The following COP1 variants were observed in gnomAD, a reference collection of about 807,000 sequenced individuals.
COP1 encodes the protein E3 ubiquitin-protein ligase COP1.
COP1 carries 24 observed loss-of-function variants against 101.3 expected under a neutral mutation model. The observed-to-expected ratio is 0.24, with a 90% confidence interval of 0.17 to 0.33. The LOEUF is 0.33. COP1 is among the 10% of genes least tolerant of loss of function. The probability of loss-of-function intolerance (pLI) is 1.00; values close to 1 mark genes in which losing one functional copy is unlikely to be tolerated. For synonymous variants in COP1, 347 were observed against 341.9 expected (o/e 1.01, Z -0.17); for missense variants, 663 against 906.2 (o/e 0.73, Z 3.45).
chr1:176,149,142 T>C (rs538434017), intron 5 of COP1, 68 bp from the exon 6 acceptor site: 73 of 945,174 alleles, frequency 7.7e-5, no homozygotes, highest in Middle Eastern at 3.3e-4. Flanking sequence ...TTTAACACCA[T>C]AGCATAAACA....
At chr1:176,197,198 CACA>C (rs553851695) in intron 1 of COP1, among the ~76,000 whole-genome samples, 53 of 152,198 alleles carry the variant, frequency 3.5e-4, no homozygotes, top group Admixed American at 1.2e-3. Context: ...AAAGCTATGA[CACA>C]ACAACAAGTG....
Position 176,083,703 on chromosome 1 carries a change from A to AGTT in COP1, c.1141+2072_1141+2073insAAC, listed in dbSNP as rs1679607475. Among the ~76,000 whole-genome samples, 4 of 152,270 alleles carry AGTT rather than the reference A, an allele frequency of 2.6e-5. No homozygotes were observed. The South Asian group carries it at 8.3e-4, about 32-fold the overall frequency. The stretch of plus-strand genomic sequence containing the variant: ...CTTTCATTTTAATAGTTGGAAATAA[A>AGTT]AGAGAATACAGATGGATTTACAGAT... On this transcript the variant is annotated intron_variant, in intron 10 of 19. Coordinates refer to ENST00000367669, the MANE Select transcript of COP1 (RefSeq NM_022457.7).
At chr1:176,206,531 T>G in intron 1 of COP1, 41 bp downstream of exon 1, 2 of 1,549,278 alleles carry the variant, frequency 1.3e-6, no homozygotes, top group South Asian at 2.3e-5. Context: ...CGGCAGAAAC[T>G]CATAATTTAG....
At chr1:176,109,467 C>T (rs1472273900) in intron 9 of COP1, among the ~76,000 whole-genome samples, 2 of 152,006 alleles carry the variant, frequency 1.3e-5, no homozygotes, top group Non-Finnish European at 2.9e-5. Context: ...TTTTATTCTG[C>T]TTCTTTTGTT....
intron 15 of COP1, among the ~76,000 whole-genome samples, chr1:176,025,694 A>C (rs1052570200): frequency 7.2e-5 from 11 of 152,094 alleles, no homozygotes; most frequent in African/African-American, 2.7e-4. Context: ...GTTTGAGAAC[A>C]GCCTGAGCAA....
intron 15 of COP1, among the ~76,000 whole-genome samples, chr1:176,001,707 T>G (rs1319313368): frequency 6.6e-6 from 1 of 152,160 alleles, no homozygotes; most frequent in Non-Finnish European, 1.5e-5. Flanking sequence ...TTTACTACTT[T>G]GTGGACTTAC....
intron 19 of COP1, among the ~76,000 whole-genome samples, chr1:175,946,142 TC>T (rs2148471783): frequency 6.6e-6 from 1 of 152,220 alleles, no homozygotes; most frequent in African/African-American, 2.4e-5. Context: ...AATCAGATAT[TC>T]CAAGACCTTC....
intron 11 of COP1, among the ~76,000 whole-genome samples, chr1:176,080,303 A>G (rs1678881459): frequency 6.6e-6 from 1 of 152,174 alleles, no homozygotes; most frequent in South Asian, 2.1e-4. Context: ...GTGTAGCACA[A>G]AATAACTATA....
intron 17 of COP1, 95 bp from the exon 18 acceptor site, chr1:175,987,198 C>T: frequency 1.6e-6 from 1 of 634,416 alleles, no homozygotes; most frequent in South Asian, 3.2e-5. Flanking sequence ...AGTTATAGTT[C>T]AAAGATCTTT....
chr1:176,046,635 C>T (rs112596804), intron 11 of COP1, among the ~76,000 whole-genome samples: 23 of 152,044 alleles, frequency 1.5e-4, no homozygotes, highest in Non-Finnish European at 3.2e-4. Context: ...GATTTAATGG[C>T]GTGAATCATT....
chr1:176,073,299 TTTC>T (rs1677347840), intron 11 of COP1, among the ~76,000 whole-genome samples: 1 of 152,180 alleles, frequency 6.6e-6, no homozygotes, highest in African/African-American at 2.4e-5. Flanking sequence ...AGATAACTAT[TTTC>T]TTCTTAGGAA....
chr1:175,959,230 AC>A (rs1334114885), intron 18 of COP1, among the ~76,000 whole-genome samples: 1 of 152,052 alleles, frequency 6.6e-6, no homozygotes, highest in African/African-American at 2.4e-5. Context: ...TTAAATAGGT[AC>A]AAAAAAGCAG....
At chr1:175,963,515 C>A (rs986569978) in intron 18 of COP1, among the ~76,000 whole-genome samples, 1 of 152,072 alleles carries the variant, frequency 6.6e-6, no homozygotes, top group Non-Finnish European at 1.5e-5. Context: ...TAATCTTGGG[C>A]AAATCTGAGC....
Position 176,062,920 on chromosome 1 carries a change from A to G in COP1, c.1278-16596T>C, listed in dbSNP as rs150539836. Among the ~76,000 whole-genome samples the G allele has an allele frequency of 2.8e-3, 432 of 152,336 alleles. 1 individual carries two copies. The highest frequency in any genetic ancestry group is 1.0e-2 in the African/African-American group (414 of 41,578). ...GAACATATACTGTATGGTTCCACTT[A>G]TAAGAAATTTTTAAATGGTTGAATT... On this transcript the variant is annotated intron_variant, in intron 11 of 19. Coordinates refer to ENST00000367669, the MANE Select transcript of COP1 (RefSeq NM_022457.7).
intron 10 of COP1, among the ~76,000 whole-genome samples, chr1:176,085,041 G>C (rs1488649899): frequency 1.3e-5 from 2 of 152,186 alleles, no homozygotes; most frequent in South Asian, 2.1e-4. Context: ...GAAGAACAGA[G>C]TTAAGAAAAA....
intron 1 of COP1, 121 bp downstream of exon 1, chr1:176,206,451 C>A (rs1700861186): frequency 9.3e-6 from 11 of 1,183,478 alleles, no homozygotes; most frequent in Non-Finnish European, 1.3e-5. Context: ...GCAGACACCA[C>A]CACAGCACCA....
intron 11 of COP1, among the ~76,000 whole-genome samples, chr1:176,070,772 C>G (rs557639375): frequency 2.0e-5 from 3 of 152,306 alleles, no homozygotes; most frequent in South Asian, 4.1e-4. Context: ...CCACCTCACC[C>G]TCCTCATTAG....
intron 14 of COP1, among the ~76,000 whole-genome samples, chr1:176,028,783 T>C (rs1668173798): frequency 6.8e-6 from 1 of 148,080 alleles, no homozygotes; most frequent in South Asian, 2.2e-4. Context: ...CAGGTTCTCC[T>C]CACTCTGTCA....
At chr1:176,184,324 C>T (rs1243724230) in intron 2 of COP1, among the ~76,000 whole-genome samples, 1 of 152,132 alleles carries the variant, frequency 6.6e-6, no homozygotes. Context: ...ATTAGTGCTT[C>T]ATGGTTGGTC....
Sources: allele counts gnomAD v4.1 joint callset (sites outside exome capture counted in the v4.1 genomes callset), GRCh38; gene constraint gnomAD v4.1.1; transcripts MANE v1.5; gene names NCBI Gene and HGNC (gene_info 2026-07-23, HGNC 2026-07-21).